Variants in POLI observed in about 807,000 individuals in gnomAD.
POLI encodes the protein RAD30 homolog B.
A neutral mutation model predicts 51.6 loss-of-function variants in POLI; 58 were observed. The ratio of observed to expected loss-of-function variants is 1.12; its 90% CI spans 0.91 to 1.40. The LOEUF is 1.40. Among genes scored for constraint, POLI ranks in the 40% most tolerant of loss-of-function variants. The pLI, the probability that POLI is intolerant of heterozygous loss-of-function variation, is 0.00. For synonymous variants in POLI, 322 were observed against 299.7 expected, an observed-to-expected ratio of 1.07 and a Z score of -0.77; for missense variants, 921 against 871.3, an observed-to-expected ratio of 1.06 and a Z score of -0.72.
chr18:54,269,968 T>C, intron 1 of POLI: 1 of 1,139,060 alleles, frequency 8.8e-7, no homozygotes, highest in South Asian at 3.7e-5. Flanking sequence ...CGACGAAAAC[T>C]GCAGAGGCTT....
At position 54,296,874 on chromosome 18, in the gene POLI, A is replaced by T; in HGVS notation, c.*2407A>T. On this transcript the variant is annotated 3_prime_UTR_variant, in exon 10 of 10. Transcript: ENST00000579534. ...AATTTTTAAAAGTCAAATATATGAT[A>T]TTTTTGATAATTTCAATATTTTAAG... 1 of 857,092 alleles carries T rather than the reference A, an allele frequency of 1.2e-6. No homozygotes were observed. Among genetic ancestry groups the T allele is most frequent in the Non-Finnish European group, 1.4e-6 (1 of 713,954 alleles). 53.1% of individuals were successfully genotyped at this position (857,092 alleles called of 1,614,324 possible). A position where few individuals can be genotyped will look rare whatever the true frequency, so the allele number is the denominator to read the frequency against.
intron 4 of POLI, among the ~76,000 whole-genome samples, chr18:54,278,256 G>GT (rs539918692): frequency 6.6e-6 from 1 of 152,306 alleles, no homozygotes; most frequent in South Asian, 2.1e-4. Flanking sequence ...GAACCCAGGA[G>GT]TTTGAGTCCA....
At chr18:54,299,496 A>G (rs2088453830), downstream of POLI, among the ~76,000 whole-genome samples, 2 of 152,232 alleles carry the variant, frequency 1.3e-5, no homozygotes, top group South Asian at 4.1e-4. Context: ...TAAGTATCAT[A>G]CTGCATATCA....
Position 54,294,214 on chromosome 18 carries a change from A to G in POLI, c.1970A>G (p.His657Arg), listed in dbSNP as rs746310144. The G allele has an allele frequency of 2.5e-6, 4 of 1,613,542 alleles. No homozygotes were observed. The Admixed American group carries it at 5.0e-5, about 20-fold the overall frequency. The change falls in exon 10 of 10, where the codon CAT becomes CGT. Residue 657 changes from histidine to arginine, a missense_variant. Physicochemically the swap from His to Arg is conservative, Grantham distance 29. Transcript: ENST00000579534. ...TNSNPAVSAF[H>R]SFPNLQSEQL... ...TCAAACCCTGCTGTGTCTGCTTTTCATTCATTTCCAAACTTGCAGAGTGAG... is the reference window on the plus strand; with the variant it reads ...TCAAACCCTGCTGTGTCTGCTTTTCGTTCATTTCCAAACTTGCAGAGTGAG...
At chr18:54,269,488 G>A, upstream of POLI, 1 of 1,488,516 alleles carries the variant, frequency 6.7e-7, no homozygotes, top group Non-Finnish European at 8.9e-7. Context: ...TAGTCCCCCG[G>A]TTTCCCTGGA....
Position 54,297,870 on chromosome 18 carries a change from GCTTAC to G in POLI, c.*3407_*3411del, listed in dbSNP as rs140266649. 56,752 of 975,710 alleles carry G rather than the reference GCTTAC, an allele frequency of 0.058. 1,840 individuals carry two copies. The highest frequency in any genetic ancestry group is 0.081 in the African/African-American group (4,621 of 57,090). The allele number at this position is 975,710 out of a possible 1,614,324, so 60.4% of individuals were successfully genotyped here. On this transcript the variant is annotated 3_prime_UTR_variant, in exon 10 of 10. Coordinates refer to ENST00000579534, the MANE Select transcript of POLI (RefSeq NM_007195.3). ...ATTTTTTTGATGGGACATGGTGGGG[GCTTAC>G]CTTTTTTCTTGTGTGTCAGATGTTC...
At position 54,280,650 on chromosome 18, in the gene POLI, A is replaced by G. The variant is rs188790804; in HGVS notation, c.560-17A>G. The G allele has an allele frequency of 8.6e-5, 130 of 1,514,332 alleles. No homozygotes were observed. The highest frequency in any genetic ancestry group is 2.7e-4 in the Admixed American group (16 of 58,488). The allele number at this position is 1,514,332 out of a possible 1,614,324, so 93.8% of individuals were successfully genotyped here. A position where few individuals can be genotyped will look rare whatever the true frequency, so the allele number is the denominator to read the frequency against. On this transcript the variant is annotated splice_polypyrimidine_tract_variant and intron_variant, in intron 4 of 9. Coordinates refer to ENST00000579534, the MANE Select transcript of POLI (RefSeq NM_007195.3). ...GGTTTTTCTTGTGACTTTGAATGAC[A>G]TTTGTTGTTTTTAAAGCTATAAACC...
chr18:54,302,924 C>G (rs970462328), downstream of POLI, among the ~76,000 whole-genome samples: 2 of 152,152 alleles, frequency 1.3e-5, no homozygotes, highest in Non-Finnish European at 2.9e-5. Context: ...CCTCCAGTTC[C>G]ATCCATGTTG....
intron 3 of POLI, among the ~76,000 whole-genome samples, chr18:54,274,455 A>G (rs925301115): frequency 6.6e-6 from 1 of 152,064 alleles, no homozygotes; most frequent in Non-Finnish European, 1.5e-5. Context: ...TTTCTAATGC[A>G]CTAATGATAA....
At position 54,294,638 on chromosome 18, in the gene POLI, TATAAC is replaced by T; in HGVS notation, c.*173_*177del. 2 of 1,283,180 alleles carry T rather than the reference TATAAC, an allele frequency of 1.6e-6. No individual in the cohort carries two copies. Among genetic ancestry groups the T allele is most frequent in the Non-Finnish European group, 2.0e-6 (2 of 1,017,506 alleles). 79.5% of individuals were successfully genotyped at this position (1,283,180 alleles called of 1,614,324 possible). ...TAAATTCTGGCACAAAGCGTAAAAATATAACAGAAGAAATAATGTAAAATACTATC... is the reference window on the plus strand; with the variant it reads ...TAAATTCTGGCACAAAGCGTAAAAATAGAAGAAATAATGTAAAATACTATC... On this transcript the variant is annotated 3_prime_UTR_variant, in exon 10 of 10. Coordinates refer to ENST00000579534, the MANE Select transcript of POLI (RefSeq NM_007195.3).
In POLI at chr18:54,294,692, A is replaced by G. The variant is rs2088216752; in HGVS notation, c.*225A>G. ...TCTTTTATGTCTAAAGCCATTTTATATTACTTTTCAATAAAAAGAATATCA... is the reference window on the plus strand; with the variant it reads ...TCTTTTATGTCTAAAGCCATTTTATGTTACTTTTCAATAAAAAGAATATCA... On this transcript the variant is annotated 3_prime_UTR_variant, in exon 10 of 10. Transcript: ENST00000579534. 5.3e-6 allele frequency: 6 copies of G among 1,133,924 alleles called. No individual in the cohort carries two copies. The highest frequency in any genetic ancestry group is 8.5e-5 in the Admixed American group (2 of 23,592). 70.2% of individuals were successfully genotyped at this position (1,133,924 alleles called of 1,614,324 possible).
In POLI at chr18:54,277,746, T is replaced by C; in HGVS notation, c.450T>C (p.Phe150=). ...EFSPVVERLG[F]DENFVDLTEM... is the part of the protein sequence containing the mutation. ...GTCCAGTTGTTGAGAGACTTGGATT[T>C]GATGAAAATTTTGTGGATCTAACAG... Residue 150 remains phenylalanine (F), a synonymous_variant, in exon 4 of 10, where the codon TTT becomes TTC. Coordinates refer to ENST00000579534, the MANE Select transcript of POLI (RefSeq NM_007195.3). 6.2e-7 allele frequency: 1 copy of C among 1,609,148 alleles called. No individual in the cohort carries two copies. The highest frequency in any genetic ancestry group is 1.1e-5 in the South Asian group (1 of 90,720).
downstream of POLI, among the ~76,000 whole-genome samples, chr18:54,301,280 A>G (rs2088484859): frequency 6.6e-6 from 1 of 152,140 alleles, no homozygotes; most frequent in Middle Eastern, 3.4e-3. Flanking sequence ...CTCCCATCAC[A>G]CACACACACA....
downstream of POLI, among the ~76,000 whole-genome samples, chr18:54,301,573 T>G (rs543358794): frequency 1.1e-4 from 17 of 152,322 alleles, no homozygotes; most frequent in South Asian, 8.3e-4. Context: ...TCAGGTGCTT[T>G]CTTTCTCAGA....
intron 3 of POLI, among the ~76,000 whole-genome samples, chr18:54,303,411 A>G (rs577453786): frequency 6.6e-6 from 1 of 152,322 alleles, no homozygotes; most frequent in South Asian, 2.1e-4. Flanking sequence ...ACTATTTTCA[A>G]CAAAGTCATT....
chr18:54,299,087 A>G (rs2088444882), downstream of POLI, among the ~76,000 whole-genome samples: 1 of 152,220 alleles, frequency 6.6e-6, no homozygotes, highest in Non-Finnish European at 1.5e-5. Flanking sequence ...AGACATACTC[A>G]GAGCAACTCA....
chr18:54,277,818 T>G lies in POLI; in HGVS notation c.522T>G (p.Ser174=). 1 of 1,613,084 alleles carries G rather than the reference T, an allele frequency of 6.2e-7. No individual in the cohort carries two copies. The highest frequency in any genetic ancestry group is 8.5e-7 in the Non-Finnish European group (1 of 1,179,328). Residue 174 remains serine (S), a synonymous_variant, in exon 4 of 10, where the codon TCT becomes TCG. Coordinates refer to ENST00000579534, the MANE Select transcript of POLI (RefSeq NM_007195.3). ...RLQQLQSDEL[S]AVTVSGHVYN... ...AGCAGCTGCAAAGTGATGAACTTTC[T>G]GCGGTGACTGTGTCGGGTCATGTAT...
chr18:54,286,868 T>A (rs1422757086), intron 7 of POLI, among the ~76,000 whole-genome samples: 2 of 151,938 alleles, frequency 1.3e-5, no homozygotes, highest in Non-Finnish European at 2.9e-5. Context: ...TGCTTGAACC[T>A]GGGAGGTGAA....
chr18:54,270,355 G>C (rs2086948676), intron 1 of POLI: 1 of 152,322 alleles, frequency 6.6e-6, no homozygotes, highest in Non-Finnish European at 1.5e-5. Flanking sequence ...TTTAGATCAG[G>C]TGTAGCTGTG....
Sources: allele counts gnomAD v4.1 joint callset (sites outside exome capture counted in the v4.1 genomes callset), GRCh38; gene constraint gnomAD v4.1.1; transcripts MANE v1.5; gene names NCBI Gene and HGNC (gene_info 2026-07-23, HGNC 2026-07-21).